ADGRL3: variants seen among roughly 807,000 people sequenced by gnomAD.
The protein encoded by ADGRL3 is adhesion G protein-coupled receptor L3.
Under a neutral mutation model 153.5 loss-of-function variants are expected in ADGRL3, and 62 were observed. The observed-to-expected ratio is 0.40, with a 90% CI of 0.33 to 0.50. ADGRL3 has a LOEUF of 0.50. Ranked by LOEUF, ADGRL3 falls within the 20% of genes least tolerant of loss-of-function variation. The probability of loss-of-function intolerance (pLI) is 0.47; values close to 1 mark genes in which losing one functional copy is unlikely to be tolerated. For missense variants in ADGRL3, 1,641 were observed against 1,859.4 expected (o/e 0.88, Z 2.16); for synonymous variants, 710 against 672.5 (o/e 1.06, Z -0.86).
At chr4:61,425,737 G>A (rs1333000713) in intron 2 of ADGRL3, among the ~76,000 whole-genome samples, 1 of 152,146 alleles carries the variant, frequency 6.6e-6, no homozygotes, top group African/African-American at 2.4e-5. Context: ...TCCTTCCCTG[G>A]CCATTCCCCT....
rs145863935 is a variant in ADGRL3 at position 61,887,681 on chromosome 4, C to T, written c.1481-4975C>T. ...TCAACATGGTGAAAACCTGTCTCTA[C>T]TAAAAATACAAAAATTAGCTGGGCA... On this transcript the variant is annotated intron_variant, in intron 9 of 26. Transcript: ENST00000683033. Among the ~76,000 whole-genome samples the T allele has an allele frequency of 3.9e-4, 60 of 152,106 alleles. 1 individual carries two copies. The East Asian group carries it at 0.01, about 26-fold the overall frequency.
chr4:61,539,850 G>A (rs961461032), intron 4 of ADGRL3, among the ~76,000 whole-genome samples: 3 of 152,122 alleles, frequency 2.0e-5, no homozygotes, highest in Non-Finnish European at 2.9e-5. Context: ...TCCCTCAGGG[G>A]ACTGTCTCTG....
intron 10 of ADGRL3, among the ~76,000 whole-genome samples, chr4:61,895,257 G>A (rs990183607): frequency 1.3e-5 from 2 of 152,138 alleles, no homozygotes; most frequent in Admixed American, 6.5e-5. Flanking sequence ...CACGAGGTCA[G>A]GAGTTTGAGA....
At chr4:61,294,717 T>A (rs1234303680) in intron 1 of ADGRL3, among the ~76,000 whole-genome samples, 2 of 152,168 alleles carry the variant, frequency 1.3e-5, no homozygotes, top group East Asian at 3.9e-4. Flanking sequence ...TGCCCTTTGA[T>A]TAGAGGCATC....
chr4:61,885,805 T>A (rs1467726527), intron 9 of ADGRL3, among the ~76,000 whole-genome samples: 1 of 152,224 alleles, frequency 6.6e-6, no homozygotes, highest in Admixed American at 6.5e-5. Context: ...TAATTTAACC[T>A]ATTTCATCTC....
intron 6 of ADGRL3, among the ~76,000 whole-genome samples, chr4:61,678,428 T>C (rs1371437601): frequency 1.3e-5 from 2 of 152,024 alleles, no homozygotes; most frequent in Non-Finnish European, 2.9e-5. Flanking sequence ...CACGGCTGTC[T>C]CTTCAATTTC....
intron 6 of ADGRL3, among the ~76,000 whole-genome samples, chr4:61,693,102 T>C (rs1223556510): frequency 6.6e-6 from 1 of 152,062 alleles, no homozygotes; most frequent in African/African-American, 2.4e-5. Flanking sequence ...AAGAATAGGT[T>C]TTTTTATTAT....
chr4:61,885,962 A>G (rs2098536449), intron 9 of ADGRL3, among the ~76,000 whole-genome samples: 1 of 152,108 alleles, frequency 6.6e-6, no homozygotes, highest in Non-Finnish European at 1.5e-5. Context: ...AAAATCTTAT[A>G]TTTTTGCTTA....
intron 2 of ADGRL3, among the ~76,000 whole-genome samples, chr4:61,438,711 T>TTC (rs2097486198): frequency 6.6e-4 from 1 of 1,504 alleles, no homozygotes; most frequent in African/African-American, 7.0e-4. Flanking sequence ...TCTTTCTTTC[T>TTC]TTTTTTTTTT....
At chr4:62,043,493 T>C (rs895802884) in intron 24 of ADGRL3, among the ~76,000 whole-genome samples, 1 of 152,106 alleles carries the variant, frequency 6.6e-6, no homozygotes, top group East Asian at 1.9e-4. Flanking sequence ...AATAAGCATG[T>C]TCCAAGATTC....
At chr4:61,963,116 G>A (rs911842934) in intron 17 of ADGRL3, among the ~76,000 whole-genome samples, 6 of 150,810 alleles carry the variant, frequency 4.0e-5, no homozygotes, top group Non-Finnish European at 8.8e-5. Context: ...ATGATAGCGT[G>A]ATATAAGGCT....
chr4:61,735,786 A>C (rs908943582), intron 8 of ADGRL3, among the ~76,000 whole-genome samples: 1 of 152,192 alleles, frequency 6.6e-6, no homozygotes, highest in Non-Finnish European at 1.5e-5. Context: ...TATTTAGAAT[A>C]ATAGATAGGT....
At chr4:61,839,782 C>G (rs2097998994) in intron 9 of ADGRL3, among the ~76,000 whole-genome samples, 1 of 149,846 alleles carries the variant, frequency 6.7e-6, no homozygotes, top group Non-Finnish European at 1.5e-5. Flanking sequence ...CACCCCTCCC[C>G]CCGAAAAAAA....
intron 4 of ADGRL3, among the ~76,000 whole-genome samples, chr4:61,581,940 A>G (rs2098927606): frequency 6.6e-6 from 1 of 151,980 alleles, no homozygotes; most frequent in African/African-American, 2.4e-5. Context: ...ATAGCCTTCT[A>G]ATTTGCATTT....
intron 19 of ADGRL3, among the ~76,000 whole-genome samples, chr4:61,993,986 G>A (rs762480424): frequency 6.6e-6 from 1 of 151,972 alleles, no homozygotes; most frequent in Non-Finnish European, 1.5e-5. Context: ...GCATTTTTTC[G>A]AACAGGTTTA....
chr4:61,999,811 A>G (rs781710238), intron 21 of ADGRL3, among the ~76,000 whole-genome samples: 10 of 152,202 alleles, frequency 6.6e-5, no homozygotes, highest in Non-Finnish European at 1.2e-4. Flanking sequence ...GTCTACATTA[A>G]ATAAAAAAGA....
intron 3 of ADGRL3, among the ~76,000 whole-genome samples, chr4:61,516,579 A>T (rs913525007): frequency 6.6e-6 from 1 of 152,132 alleles, no homozygotes; most frequent in Non-Finnish European, 1.5e-5. Context: ...ATTATTTTTA[A>T]AAATCATGTA....
chr4:61,223,265 A>G (rs2149055675), intron 1 of ADGRL3, among the ~76,000 whole-genome samples: 1 of 152,340 alleles, frequency 6.6e-6, no homozygotes, highest in African/African-American at 2.4e-5. Context: ...GCCAAAGAAA[A>G]GGGTGAAATG....
intron 8 of ADGRL3, 49 bp from the exon 9 acceptor site, chr4:61,813,760 A>C (rs766498032): frequency 6.3e-7 from 1 of 1,598,954 alleles, no homozygotes; most frequent in Non-Finnish European, 8.6e-7. Context: ...TTAAAAAGGG[A>C]AAAGACATAC....
Sources: gnomAD v4.1 joint callset for allele counts (sites outside exome capture counted in the v4.1 genomes callset) on GRCh38, gnomAD v4.1.1 for gene constraint, MANE v1.5 for transcripts, NCBI Gene and HGNC (gene_info 2026-07-23, HGNC 2026-07-21) for gene names.